The following RCAN3 variants were observed in gnomAD, a reference collection of about 807,000 sequenced individuals.
The protein encoded by RCAN3 is regulator of calcineurin 3, also known as calcipressin-3.
RCAN3 carries 19 observed loss-of-function variants against 21.9 expected under a neutral mutation model. That is an observed-to-expected ratio of 0.87 (90% confidence interval 0.61 to 1.27). RCAN3 has a LOEUF of 1.27. Ranked by LOEUF, RCAN3 falls within the 50% of genes most tolerant of loss-of-function variation. The pLI is 0.00. For synonymous variants in RCAN3, 114 were observed against 112.3 expected (o/e 1.01, Z -0.09); for missense variants, 240 against 300.1 (o/e 0.80, Z 1.48).
intron 1 of RCAN3, among the ~76,000 whole-genome samples, chr1:24,503,935 TGTAAA>T (rs1220156555): frequency 2.0e-5 from 3 of 152,262 alleles, no homozygotes; most frequent in African/African-American, 7.2e-5. Context: ...TTACATACGA[TGTAAA>T]GTAATTTGTT....
intron 2 of RCAN3, 91 bp downstream of exon 2, chr1:24,514,658 T>A: frequency 1.6e-6 from 2 of 1,288,144 alleles, no homozygotes; most frequent in Non-Finnish European, 2.2e-6. Context: ...CCTGACAAAT[T>A]AAGTATAGAA....
chr1:24,535,681 A>C lies in RCAN3; in HGVS notation c.*404A>C, dbSNP rs1201061031. 6.1e-6 allele frequency: 1 copy of C among 163,194 alleles called. No homozygotes were observed. The highest frequency in any genetic ancestry group is 2.0e-4 in the South Asian group (1 of 4,944). 10.1% of individuals were successfully genotyped at this position (163,194 alleles called of 1,614,324 possible). On this transcript the variant is annotated 3_prime_UTR_variant, in exon 5 of 5. Coordinates refer to ENST00000374395, the MANE Select transcript of RCAN3 (RefSeq NM_013441.4). ...TTTTTATGAATTTAAAAATAGTCTT[A>C]TAATTTTAATTGTTTGTGGGTATTT...
At chr1:24,509,130 G>T in intron 1 of RCAN3, among the ~76,000 whole-genome samples, 1 of 152,170 alleles carries the variant, frequency 6.6e-6, no homozygotes, top group East Asian at 1.9e-4. Flanking sequence ...CACTGCACTA[G>T]AGTCTGGGCA....
chr1:24,537,096 T>C lies in RCAN3; in HGVS notation c.*1819T>C, dbSNP rs1650277874. The stretch of plus-strand genomic sequence containing the variant: ...TGTATTATCAACAATTGGGAATTTT[T>C]TGAATTTCCTTTTAGGTAATATTGA... On this transcript the variant is annotated 3_prime_UTR_variant, in exon 5 of 5. Transcript: ENST00000374395. 6.6e-6 allele frequency: 1 copy of C among 152,226 alleles called. No homozygotes were observed. The highest frequency in any genetic ancestry group is 1.5e-5 in the Non-Finnish European group (1 of 68,034). 9.4% of individuals were successfully genotyped at this position (152,226 alleles called of 1,614,324 possible).
chr1:24,533,463 A>G (rs1233516721), intron 4 of RCAN3, among the ~76,000 whole-genome samples: 1 of 152,170 alleles, frequency 6.6e-6, no homozygotes, highest in African/African-American at 2.4e-5. Flanking sequence ...TTTTCCATCT[A>G]TAAAGCAGGG....
intron 2 of RCAN3, among the ~76,000 whole-genome samples, chr1:24,526,640 GA>G (rs1259095477): frequency 3.9e-5 from 6 of 152,098 alleles, no homozygotes; most frequent in Admixed American, 3.9e-4. Flanking sequence ...CTTGGGCAAG[GA>G]AAATGTTTAA....
chr1:24,520,977 C>T (rs184296696), intron 2 of RCAN3, among the ~76,000 whole-genome samples: 1 of 152,152 alleles, frequency 6.6e-6, no homozygotes, highest in East Asian at 1.9e-4. Context: ...TCATATAGAA[C>T]CTCAAGGAAT....
chr1:24,520,155 G>C (rs1238270028), intron 2 of RCAN3, among the ~76,000 whole-genome samples: 1 of 152,166 alleles, frequency 6.6e-6, no homozygotes, highest in African/African-American at 2.4e-5. Flanking sequence ...TTCAAAGGAA[G>C]AATATCTCTG....
intron 1 of RCAN3, among the ~76,000 whole-genome samples, chr1:24,513,146 A>G (rs1648025980): frequency 6.6e-6 from 1 of 152,144 alleles, no homozygotes; most frequent in Admixed American, 6.6e-5. Context: ...CTGAGGCAGG[A>G]GAATGGTGTG....
intron 2 of RCAN3, among the ~76,000 whole-genome samples, chr1:24,530,786 A>G (rs1273600214): frequency 6.6e-6 from 1 of 152,174 alleles, no homozygotes; most frequent in Non-Finnish European, 1.5e-5. Context: ...CCAGGTGGAC[A>G]GATCACTTGA....
intron 2 of RCAN3, among the ~76,000 whole-genome samples, chr1:24,529,696 G>A (rs542178294): frequency 6.7e-6 from 1 of 150,306 alleles, no homozygotes; most frequent in East Asian, 2.1e-4. Flanking sequence ...GATTACAGGC[G>A]CCCACCACCA....
intron 1 of RCAN3, 117 bp downstream of exon 1, chr1:24,503,267 C>T (rs1285454375): frequency 1.3e-5 from 2 of 148,450 alleles, no homozygotes. Context: ...GAGGGGTGGG[C>T]ACTCCGAGCC....
At chr1:24,530,774 G>A (rs1290270221) in intron 2 of RCAN3, among the ~76,000 whole-genome samples, 1 of 152,210 alleles carries the variant, frequency 6.6e-6, no homozygotes, top group Non-Finnish European at 1.5e-5. Flanking sequence ...ACTTTGGGAG[G>A]CCCAGGTGGA....
At position 24,525,839 on chromosome 1, in the gene RCAN3, G is replaced by C. The variant is rs955287218; in HGVS notation, c.196-5379G>C. ...GGGGCAGCCTCAGGAATCTACATGG[G>C]GATGTCTGTGGACTCACAGAAGGGC... On this transcript the variant is annotated intron_variant, in intron 2 of 4. Transcript: ENST00000374395. This position sits in a 1 kb window ranked among gnomAD's most constrained non-coding sequence, Gnocchi z 4.1. 6.6e-6 allele frequency among the ~76,000 whole-genome samples: 1 copy of C among 152,112 alleles called. No homozygotes were observed. The highest frequency in any genetic ancestry group is 2.4e-5 in the African/African-American group (1 of 41,416).
At chr1:24,508,052 CGCGCCACTGCGCCGAGACT>C (rs1349828721) in intron 1 of RCAN3, among the ~76,000 whole-genome samples, 1 of 152,034 alleles carries the variant, frequency 6.6e-6, no homozygotes. Context: ...GAGCCGAGAT[CGCGCCACTGCGCCGAGACT>C]GCGCCACTGC....
At chr1:24,509,934 G>T (rs1337383451) in intron 1 of RCAN3, among the ~76,000 whole-genome samples, 2 of 152,108 alleles carry the variant, frequency 1.3e-5, no homozygotes, top group African/African-American at 4.8e-5. Flanking sequence ...TGGATATTGT[G>T]TTAGCAGGCA....
Position 24,525,820 on chromosome 1 carries a change from G to A in RCAN3, c.196-5398G>A, listed in dbSNP as rs1350549350. Among the ~76,000 whole-genome samples, 1 of 152,158 alleles carries A rather than the reference G, an allele frequency of 6.6e-6. No individual in the cohort carries two copies. Among genetic ancestry groups the A allele is most frequent in the Non-Finnish European group, 1.5e-5 (1 of 68,044 alleles). On this transcript the variant is annotated intron_variant, in intron 2 of 4. Coordinates refer to ENST00000374395, the MANE Select transcript of RCAN3 (RefSeq NM_013441.4). This position sits in a 1 kb window ranked among gnomAD's most constrained non-coding sequence, Gnocchi z 4.1. ...TGCTAATGCCGGGTTATCAGGGGCA[G>A]CCTCAGGAATCTACATGGGGATGTC...
Position 24,525,308 on chromosome 1 carries a change from C to A in RCAN3, c.196-5910C>A, listed in dbSNP as rs1435451610. Among the ~76,000 whole-genome samples the A allele has an allele frequency of 1.3e-5, 2 of 152,158 alleles. No individual in the cohort carries two copies. The highest frequency in any genetic ancestry group is 2.9e-5 in the Non-Finnish European group (2 of 68,028). On this transcript the variant is annotated intron_variant, in intron 2 of 4. Transcript: ENST00000374395. This position sits in a 1 kb window ranked among gnomAD's most constrained non-coding sequence, Gnocchi z 4.1. ...GTGTTGTTCTTAGCTATTTTAGGTA[C>A]AAGGTATGTACTGTCATTTTGATGA...
chr1:24,511,565 C>G (rs1381005532), intron 1 of RCAN3, among the ~76,000 whole-genome samples: 1 of 152,120 alleles, frequency 6.6e-6, no homozygotes, highest in Non-Finnish European at 1.5e-5. Flanking sequence ...ATTAAGTCTG[C>G]CATCTTATAT....
Sources: allele counts gnomAD v4.1 joint callset (sites outside exome capture counted in the v4.1 genomes callset), GRCh38; gene constraint gnomAD v4.1.1; non-coding constraint Gnocchi (gnomAD v3.1); transcripts MANE v1.5; gene names NCBI Gene and HGNC (gene_info 2026-07-23, HGNC 2026-07-21).